Variants in CHRND observed in about 807,000 individuals in gnomAD.
CHRND encodes acetylcholine receptor subunit delta.
Under a neutral mutation model 57.8 loss-of-function variants are expected in CHRND, and 40 were observed. The observed-to-expected ratio is 0.69, with a 90% confidence interval of 0.54 to 0.90. CHRND has a LOEUF of 0.90. CHRND is among the 40% of genes least tolerant of loss of function. CHRND has a pLI of 0.00. For missense variants in CHRND, 634 were observed against 673.9 expected, an observed-to-expected ratio of 0.94 and a Z score of 0.66; for synonymous variants, 237 against 270.6, an observed-to-expected ratio of 0.88 and a Z score of 1.22.
chr2:232,529,241 G>A (rs1691596505), intron 6 of CHRND, among the ~76,000 whole-genome samples: 3 of 152,102 alleles, frequency 2.0e-5, no homozygotes, highest in Admixed American at 6.6e-5. Flanking sequence ...GCCCAGGCCC[G>A]GAAGTCATGC....
intron 9 of CHRND, 57 bp downstream of exon 9, chr2:232,531,713 C>A: frequency 6.9e-7 from 1 of 1,441,068 alleles, no homozygotes. Context: ...TTTCAGGAGG[C>A]TGAGGCGGGA....
intron 11 of CHRND, 111 bp downstream of exon 11, chr2:232,534,453 AG>A: frequency 9.1e-7 from 1 of 1,102,428 alleles, no homozygotes; most frequent in Non-Finnish European, 1.4e-6. Flanking sequence ...AACTTAGATG[AG>A]GGAGTTAATG....
Position 232,535,613 on chromosome 2 carries a change from C to T in CHRND, c.*301C>T. On this transcript the variant is annotated 3_prime_UTR_variant, in exon 12 of 12. Coordinates refer to ENST00000258385, the MANE Select transcript of CHRND (RefSeq NM_000751.3). ...TCAGGGTGGCCTCAGGGGGAGAGCT[C>T]TGATAGGGGTGAGACAGATAGGGCC... The T allele has an allele frequency of 1.7e-6, 1 of 584,228 alleles. No homozygotes were observed. The highest frequency in any genetic ancestry group is 3.2e-6 in the Non-Finnish European group (1 of 311,534). 36.2% of individuals were successfully genotyped at this position (584,228 alleles called of 1,614,324 possible).
intron 9 of CHRND, 36 bp from the exon 10 acceptor site, chr2:232,533,895 C>G (rs765418740): frequency 2.5e-6 from 4 of 1,601,790 alleles, no homozygotes; most frequent in Non-Finnish European, 3.4e-6. Flanking sequence ...GAACAAAAAA[C>G]AACGCCTTTC....
chr2:232,530,114 C>T lies in CHRND; in HGVS notation c.795C>T (p.Asn265=). Residue 265 remains asparagine, a synonymous_variant, in exon 7 of 12, where the codon AAC becomes AAT. Coordinates refer to ENST00000258385, the MANE Select transcript of CHRND (RefSeq NM_000751.3). ...VPCVLISFMV[N]LVFYLPADSG... ...GCGTGCTCATCTCCTTCATGGTCAA[C>T]CTGGTCTTCTACCTACCGGCTGACA... 2 of 1,614,176 alleles carry T rather than the reference C, an allele frequency of 1.2e-6. No individual in the cohort carries two copies. The highest frequency in any genetic ancestry group is 2.2e-5 in the East Asian group (1 of 44,884).
At chr2:232,527,354 A>G (rs752999421) in intron 2 of CHRND, 47 bp from the exon 3 acceptor site, 4 of 1,504,476 alleles carry the variant, frequency 2.7e-6, no homozygotes, top group East Asian at 2.3e-5. Context: ...GTGTGCGGAT[A>G]AAAGAATGAT....
At chr2:232,532,072 T>C (rs1380455495) in intron 9 of CHRND, among the ~76,000 whole-genome samples, 2 of 149,350 alleles carry the variant, frequency 1.3e-5, no homozygotes, top group Admixed American at 6.7e-5. Flanking sequence ...GGTGGGAGGA[T>C]CCCTGGAACC....
Position 232,531,569 on chromosome 2 carries a change from C to A in CHRND, c.960C>A (p.Val320=). Residue 320 remains valine (V), a synonymous_variant, in exon 9 of 12, where the codon GTC becomes GTA. Coordinates refer to ENST00000258385, the MANE Select transcript of CHRND (RefSeq NM_000751.3). ...GKFLLFGMVL[V]TMVVVICVIV... is the part of the protein sequence containing the mutation. ...TCCTGCTCTTCGGCATGGTGCTGGT[C>A]ACCATGGTTGTGGTGATCTGTGTCA... 6.2e-7 allele frequency: 1 copy of A among 1,614,090 alleles called. No homozygotes were observed. The highest frequency in any genetic ancestry group is 1.1e-5 in the South Asian group (1 of 91,048).
At chr2:232,535,060 C>A (rs1221720173) in intron 11 of CHRND, 70 bp from the exon 12 acceptor site, 1 of 1,584,420 alleles carries the variant, frequency 6.3e-7, no homozygotes, top group Non-Finnish European at 8.6e-7. Context: ...CATGGCTGGG[C>A]CCCAGCTTGG....
chr2:232,533,023 CTT>C (rs567364813), intron 9 of CHRND, among the ~76,000 whole-genome samples: 1 of 151,848 alleles, frequency 6.6e-6, no homozygotes, highest in Non-Finnish European at 1.5e-5. Context: ...TTTAGCAACT[CTT>C]TTTTTTCTTT....
At chr2:232,532,835 A>C (rs1349460594) in intron 9 of CHRND, among the ~76,000 whole-genome samples, 2 of 152,192 alleles carry the variant, frequency 1.3e-5, no homozygotes, top group Non-Finnish European at 2.9e-5. Context: ...TGATTTACCC[A>C]GTGGAATGCA....
At chr2:232,533,818 A>G (rs536757886) in intron 9 of CHRND, 113 bp from the exon 10 acceptor site, 11 of 1,062,038 alleles carry the variant, frequency 1.0e-5, no homozygotes, top group Middle Eastern at 2.9e-4. Flanking sequence ...TGGAGGTTGC[A>G]GTGAGCCGAG....
At chr2:232,526,795 C>T (rs539249814) in intron 2 of CHRND, 121 bp downstream of exon 2, 11 of 1,016,776 alleles carry the variant, frequency 1.1e-5, no homozygotes, top group Middle Eastern at 2.6e-4. Context: ...TCCTGGGAAA[C>T]GTGCTGCGGC....
In CHRND at chr2:232,535,212, C is replaced by T. The variant is rs1447536106; in HGVS notation, c.1454C>T (p.Thr485Ile). ...GTGACGCCTGTCATGGTGGTGGGCA[C>T]AGCCTGGATCTTCCTGCAGGGCGTT... ...FVVTPVMVVGTAWIFLQGVYN... is the reference protein window; with the variant it reads ...FVVTPVMVVGIAWIFLQGVYN... Residue 485 changes from threonine to isoleucine, a missense_variant, in exon 12 of 12, where the codon ACA becomes ATA. Thr to Ile is a moderately conservative substitution (Grantham distance 89). Coordinates refer to ENST00000258385, the MANE Select transcript of CHRND (RefSeq NM_000751.3). 7 of 1,614,114 alleles carry T rather than the reference C, an allele frequency of 4.3e-6. No individual in the cohort carries two copies. The highest frequency in any genetic ancestry group is 2.7e-5 in the African/African-American group (2 of 74,940).
rs759691270 is a variant in CHRND at position 232,526,686 on chromosome 2, T to TA, written c.198+12_198+13insA. ...ACCTCATCTCCCTGGTGAGAGGCCC[T>TA]CCGGTGCTGGGTTGGGAGGGAGGGC... is the stretch of plus-strand genomic sequence containing the variant. On this transcript the variant is annotated intron_variant, in intron 2 of 11. Transcript: ENST00000258385. The TA allele has an allele frequency of 3.1e-6, 5 of 1,605,246 alleles. No homozygotes were observed. Among genetic ancestry groups the TA allele is most frequent in the Non-Finnish European group, 4.3e-6 (5 of 1,173,276 alleles).
At chr2:232,528,198 G>C (rs755290185) in intron 3 of CHRND, 64 bp from the exon 4 acceptor site, 240 of 1,474,962 alleles carry the variant, frequency 1.6e-4, no homozygotes, top group Non-Finnish European at 2.3e-4. Flanking sequence ...TCTCAGGGAA[G>C]TGGGGGGAGC....
chr2:232,527,324 G>GAC, intron 2 of CHRND, 77 bp from the exon 3 acceptor site: 3 of 1,285,822 alleles, frequency 2.3e-6, no homozygotes, highest in Non-Finnish European at 3.4e-6. Flanking sequence ...GAGAGAGAGA[G>GAC]AGAGAGAGAG....
Position 232,526,514 on chromosome 2 carries a change from G to A in CHRND, c.53-15G>A, listed in dbSNP as rs372385617. On this transcript the variant is annotated splice_polypyrimidine_tract_variant and intron_variant, in intron 1 of 11. Transcript: ENST00000258385. ...CCCAGGGCCCCATTCAGTCCTTGTC[G>A]CTGACCCTCCCCAGGCAGCTGGGGG... The A allele has an allele frequency of 1.1e-5, 17 of 1,613,448 alleles. No homozygotes were observed. Among genetic ancestry groups the A allele is most frequent in the East Asian group, 6.7e-5 (3 of 44,878 alleles).
chr2:232,535,345 G>T lies in CHRND; in HGVS notation c.*33G>T. The T allele has an allele frequency of 6.2e-7, 1 of 1,608,528 alleles. No homozygotes were observed. The stretch of plus-strand genomic sequence containing the variant: ...CTGTTGGGGAGCCAGGAGACAGCAG[G>T]GTCTGAGAGAGGAGCCACAGTCCCT... On this transcript the variant is annotated 3_prime_UTR_variant, in exon 12 of 12. Coordinates refer to ENST00000258385, the MANE Select transcript of CHRND (RefSeq NM_000751.3).
Sources: gnomAD v4.1 joint callset for allele counts (sites outside exome capture counted in the v4.1 genomes callset) on GRCh38, gnomAD v4.1.1 for gene constraint, MANE v1.5 for transcripts, NCBI Gene and HGNC (gene_info 2026-07-23, HGNC 2026-07-21) for gene names.